CPPED1: variants seen among roughly 807,000 people sequenced by gnomAD.
CPPED1 encodes the protein calcineurin like phosphoesterase domain containing 1.
CPPED1 carries 28 observed loss-of-function variants against 28.0 expected under a neutral mutation model. That is an observed-to-expected ratio of 1.00 (90% confidence interval 0.74 to 1.37). The LOEUF (loss-of-function observed/expected upper bound fraction) is 1.37. Among genes scored for constraint, CPPED1 ranks in the 40% most tolerant of loss-of-function variants. The probability of loss-of-function intolerance (pLI) is 0.00; values close to 1 mark genes in which losing one functional copy is unlikely to be tolerated. For missense variants in CPPED1, 504 were observed against 416.5 expected, an observed-to-expected ratio of 1.21 and a Z score of -1.83; for synonymous variants, 198 against 180.2, an observed-to-expected ratio of 1.10 and a Z score of -0.79.
intron 2 of CPPED1, among the ~76,000 whole-genome samples, chr16:12,734,745 G>A (rs2080218304): frequency 6.6e-6 from 1 of 152,032 alleles, no homozygotes; most frequent in Admixed American, 6.6e-5. Flanking sequence ...GAGTCTACAG[G>A]GTTCCCATGG....
At position 12,682,037 on chromosome 16, in the gene CPPED1, G is replaced by A. The variant is rs931499717; in HGVS notation, c.716-16922C>T. ...TCCTCCAACCCCCAGACTCACTGCCGTTTATTACTTTTTTGAGACAGTGTC... is the reference window on the plus strand; with the variant it reads ...TCCTCCAACCCCCAGACTCACTGCCATTTATTACTTTTTTGAGACAGTGTC... On this transcript the variant is annotated intron_variant, in intron 3 of 3. Transcript: ENST00000381774. This position sits in a 1 kb window ranked among gnomAD's most constrained non-coding sequence, Gnocchi z 6.1. 6.6e-6 allele frequency among the ~76,000 whole-genome samples: 1 copy of A among 151,918 alleles called. No individual in the cohort carries two copies. The highest frequency in any genetic ancestry group is 1.5e-5 in the Non-Finnish European group (1 of 67,966).
chr16:12,747,071 TAAA>T (rs1312739147), intron 2 of CPPED1, among the ~76,000 whole-genome samples: 2 of 133,452 alleles, frequency 1.5e-5, no homozygotes, highest in South Asian at 5.0e-4. Flanking sequence ...AAAAAAAAAT[TAAA>T]AAAAAAAAGA....
intron 2 of CPPED1, among the ~76,000 whole-genome samples, chr16:12,754,769 C>T (rs1487362367): frequency 6.6e-6 from 1 of 152,070 alleles, no homozygotes; most frequent in East Asian, 1.9e-4. Flanking sequence ...GAGGCCAAGG[C>T]GGGAGGATCA....
At chr16:12,768,184 G>A (rs958266974) in intron 2 of CPPED1, among the ~76,000 whole-genome samples, 5 of 152,074 alleles carry the variant, frequency 3.3e-5, no homozygotes, top group African/African-American at 7.2e-5. Flanking sequence ...TTCGCCCTGC[G>A]GTTTTGTCTT....
At chr16:12,757,380 G>T (rs1393583197) in intron 2 of CPPED1, 1 of 151,938 alleles carries the variant, frequency 6.6e-6, no homozygotes, top group Non-Finnish European at 1.5e-5. Flanking sequence ...CGGCCTACAG[G>T]GTTTGCCTAC....
chr16:12,741,931 T>C (rs1211892441), intron 2 of CPPED1, among the ~76,000 whole-genome samples: 2 of 151,972 alleles, frequency 1.3e-5, no homozygotes, highest in Non-Finnish European at 2.9e-5. Context: ...CAGGGCTTCG[T>C]GGCACATGAC....
At chr16:12,733,115 T>A (rs2080207831) in intron 2 of CPPED1, among the ~76,000 whole-genome samples, 1 of 152,144 alleles carries the variant, frequency 6.6e-6, no homozygotes, top group Non-Finnish European at 1.5e-5. Context: ...GAATTAGCAC[T>A]CTTCAAAAAC....
intron 1 of CPPED1, among the ~76,000 whole-genome samples, chr16:12,802,202 T>C (rs1402079642): frequency 6.6e-6 from 1 of 152,140 alleles, no homozygotes; most frequent in East Asian, 1.9e-4. Flanking sequence ...ATTCAGCATA[T>C]ACATCAACAG....
At chr16:12,786,076 C>T (rs1479436763) in intron 1 of CPPED1, among the ~76,000 whole-genome samples, 1 of 152,184 alleles carries the variant, frequency 6.6e-6, no homozygotes, top group African/African-American at 2.4e-5. Flanking sequence ...GGCAATGAGC[C>T]TGATGAAGAG....
intron 1 of CPPED1, among the ~76,000 whole-genome samples, chr16:12,800,165 G>T (rs1382623490): frequency 6.6e-6 from 1 of 152,158 alleles, no homozygotes; most frequent in Non-Finnish European, 1.5e-5. Flanking sequence ...AAACAATGGG[G>T]GCCAAGTGCG....
intron 2 of CPPED1, among the ~76,000 whole-genome samples, chr16:12,721,303 A>C (rs1437250772): frequency 6.6e-6 from 1 of 152,214 alleles, no homozygotes; most frequent in Non-Finnish European, 1.5e-5. Flanking sequence ...TCTGAGGGTA[A>C]AAGAAGAAGG....
chr16:12,688,762 A>G (rs1038016977), intron 3 of CPPED1, among the ~76,000 whole-genome samples: 5 of 152,202 alleles, frequency 3.3e-5, no homozygotes, highest in African/African-American at 1.2e-4. Flanking sequence ...CTTGTCTCCA[A>G]GGAACACGTG....
intron 1 of CPPED1, among the ~76,000 whole-genome samples, chr16:12,783,408 A>G (rs2080544016): frequency 6.6e-6 from 1 of 152,134 alleles, no homozygotes; most frequent in Non-Finnish European, 1.5e-5. Flanking sequence ...CTGAGGTGAG[A>G]GGAATACTTT....
chr16:12,665,461 T>C (rs2079820521), intron 3 of CPPED1, among the ~76,000 whole-genome samples: 1 of 152,108 alleles, frequency 6.6e-6, no homozygotes, highest in Admixed American at 6.6e-5. Flanking sequence ...CTGAGTCCTA[T>C]AGAAATATCC....
rs758254494 is a variant in CPPED1 at position 12,704,868 on chromosome 16, G to GC, written c.470dup (p.Val158ArgfsTer140). On this transcript the variant is annotated frameshift_variant, in exon 3 of 4. Transcript: ENST00000381774. LOFTEE classifies it high-confidence loss of function. Reference sequence around the variant, plus strand: ...GGGAGTTGAGGACCAGGAACAGGACGCCCCCGACCCAGAAGCTGAAGTAGT... The same window carrying GC: ...GGGAGTTGAGGACCAGGAACAGGACGCCCCCCGACCCAGAAGCTGAAGTAGT... 5 of 1,614,038 alleles carry GC rather than the reference G, an allele frequency of 3.1e-6. No individual in the cohort carries two copies. Among genetic ancestry groups the GC allele is most frequent in the East Asian group, 4.5e-5 (2 of 44,894 alleles).
intron 2 of CPPED1, among the ~76,000 whole-genome samples, chr16:12,724,888 G>A (rs1201659776): frequency 1.3e-5 from 2 of 151,992 alleles, no homozygotes; most frequent in Non-Finnish European, 2.9e-5. Context: ...TCGGGTTCAC[G>A]CCATTCTCCT....
chr16:12,739,101 C>G (rs1234204061), intron 2 of CPPED1, among the ~76,000 whole-genome samples: 1 of 152,124 alleles, frequency 6.6e-6, no homozygotes, highest in Non-Finnish European at 1.5e-5. Flanking sequence ...TTGATTCTTC[C>G]TGAGATTGTT....
chr16:12,674,730 A>C (rs776915024), intron 3 of CPPED1, among the ~76,000 whole-genome samples: 1 of 152,220 alleles, frequency 6.6e-6, no homozygotes, highest in Non-Finnish European at 1.5e-5. Flanking sequence ...ACAGCTAGAC[A>C]ACAGGGCATC....
At chr16:12,680,574 G>A (rs988806421) in intron 3 of CPPED1, among the ~76,000 whole-genome samples, 2 of 152,128 alleles carry the variant, frequency 1.3e-5, no homozygotes, top group Non-Finnish European at 2.9e-5. Context: ...GATTCAGGGG[G>A]CAGAGACAGC....
Sources: gnomAD v4.1 joint callset for allele counts (sites outside exome capture counted in the v4.1 genomes callset) on GRCh38, gnomAD v4.1.1 for gene constraint, Gnocchi (gnomAD v3.1) non-coding constraint, MANE v1.5 for transcripts, NCBI Gene and HGNC (gene_info 2026-07-23, HGNC 2026-07-21) for gene names.